The following TMEM117 variants were observed in gnomAD, a reference collection of about 807,000 sequenced individuals.
The protein encoded by TMEM117 is transmembrane protein 117.
In TMEM117, 27 loss-of-function variants were observed where a neutral mutation model predicts 52.4. That is an observed-to-expected ratio of 0.51 (90% confidence interval 0.38 to 0.71). The LOEUF (loss-of-function observed/expected upper bound fraction) is 0.71, where lower values mean the gene tolerates loss of function less well. Among genes scored for constraint, TMEM117 ranks in the 30% least tolerant of loss-of-function variants. The pLI, the probability that TMEM117 is intolerant of heterozygous loss-of-function variation, is 0.00. For missense variants in TMEM117, 556 were observed against 630.5 expected, an observed-to-expected ratio of 0.88 and a Z score of 1.26; for synonymous variants, 215 against 206.3, an observed-to-expected ratio of 1.04 and a Z score of -0.36.
chr12:44,326,884 A>T (rs1951202679), intron 6 of TMEM117, among the ~76,000 whole-genome samples: 1 of 152,186 alleles, frequency 6.6e-6, no homozygotes, highest in Non-Finnish European at 1.5e-5. Context: ...TTCACAGGCT[A>T]CCTATATACT....
intron 3 of TMEM117, among the ~76,000 whole-genome samples, chr12:44,106,161 T>G (rs1947950517): frequency 6.6e-6 from 1 of 152,118 alleles, no homozygotes; most frequent in African/African-American, 2.4e-5. Context: ...CTTGCACTTC[T>G]CTGACAAATC....
chr12:43,854,256 G>T (rs1036819682), intron 2 of TMEM117, among the ~76,000 whole-genome samples: 1 of 152,094 alleles, frequency 6.6e-6, no homozygotes, highest in African/African-American at 2.4e-5. Flanking sequence ...TTTGGGGGCT[G>T]CCTGCAATAA....
chr12:44,152,239 A>T (rs1227830112), intron 4 of TMEM117, among the ~76,000 whole-genome samples: 11 of 105,752 alleles, frequency 1.0e-4, no homozygotes, highest in African/African-American at 4.7e-4. Context: ...ATAATTATAT[A>T]TATAATTATA....
At chr12:44,201,945 GATATCATGTGGTATCTTT>G (rs1207297152) in intron 4 of TMEM117, among the ~76,000 whole-genome samples, 5 of 151,774 alleles carry the variant, frequency 3.3e-5, no homozygotes, top group African/African-American at 9.7e-5. Flanking sequence ...GAGGGGAGAA[GATATCATGTGGTATCTTT>G]ATATCATGTG....
chr12:43,806,289 G>A, the TMEM117 span: 3 of 1,452,876 alleles, frequency 2.1e-6, no homozygotes, highest in South Asian at 1.3e-5. Flanking sequence ...AGTGCAGCCA[G>A]CGGCCCCGGC....
intron 4 of TMEM117, among the ~76,000 whole-genome samples, chr12:44,157,655 C>T (rs1948844458): frequency 6.6e-6 from 1 of 152,118 alleles, no homozygotes; most frequent in African/African-American, 2.4e-5. Flanking sequence ...TGTCATTTTA[C>T]AATTTTCTCT....
chr12:44,174,801 A>G (rs1386529062), intron 4 of TMEM117, among the ~76,000 whole-genome samples: 1 of 152,214 alleles, frequency 6.6e-6, no homozygotes, highest in Non-Finnish European at 1.5e-5. Flanking sequence ...TGAGATTATC[A>G]CACAACAGAA....
chr12:44,276,904 GTGTA>G lies in TMEM117; in HGVS notation c.609-22672_609-22669del, dbSNP rs947820653. Among the ~76,000 whole-genome samples, 21 of 144,210 alleles carry G rather than the reference GTGTA, an allele frequency of 1.5e-4. No individual in the cohort carries two copies. In the South Asian group the frequency reaches 1.5e-3, roughly 10 times the overall value. 94.6% of individuals were successfully genotyped at this position (144,210 alleles called of 152,430 possible). ...ACATGAAAAGTTTGTGTGTGTGTGT[GTGTA>G]TGTGTGTGTGTGTGTGTGTGTGTGT... On this transcript the variant is annotated intron_variant, in intron 5 of 7. Coordinates refer to ENST00000266534, the MANE Select transcript of TMEM117 (RefSeq NM_032256.3).
At chr12:44,273,035 G>A (rs1036519526) in intron 5 of TMEM117, among the ~76,000 whole-genome samples, 1 of 152,146 alleles carries the variant, frequency 6.6e-6, no homozygotes, top group Admixed American at 6.6e-5. Context: ...GGAATACTAT[G>A]CAGCCATAAA....
chr12:44,087,006 G>A (rs1055915914), intron 3 of TMEM117, among the ~76,000 whole-genome samples: 92 of 143,944 alleles, frequency 6.4e-4, no homozygotes, highest in African/African-American at 1.9e-3. Flanking sequence ...TATAAATTAT[G>A]TATTATATAA....
chr12:44,031,194 T>G (rs1592456401), intron 3 of TMEM117, among the ~76,000 whole-genome samples: 1 of 152,312 alleles, frequency 6.6e-6, no homozygotes, highest in East Asian at 1.9e-4. Context: ...TTTGTATAAA[T>G]GTACTATTGA....
At chr12:43,826,611 C>T in the TMEM117 span, among the ~76,000 whole-genome samples, 1 of 152,152 alleles carries the variant, frequency 6.6e-6, no homozygotes, top group Non-Finnish European at 1.5e-5. Context: ...GGGTTGCTGC[C>T]TACCTTAAAA....
intron 6 of TMEM117, among the ~76,000 whole-genome samples, chr12:44,352,496 C>T (rs956758836): frequency 1.3e-5 from 2 of 151,986 alleles, no homozygotes; most frequent in Non-Finnish European, 2.9e-5. Context: ...CTTCCTGTGT[C>T]CATGTGTTCT....
chr12:44,090,837 G>GT (rs1565823272), intron 3 of TMEM117, among the ~76,000 whole-genome samples: 2 of 112,424 alleles, frequency 1.8e-5, no homozygotes, highest in African/African-American at 1.1e-4. Context: ...CTGTATTTAT[G>GT]TGTTTTTTTT....
the TMEM117 span, chr12:43,797,929 C>T: frequency 6.2e-5 from 78 of 1,262,700 alleles, no homozygotes; most frequent in African/African-American, 9.2e-4. Flanking sequence ...TATCATTCAA[C>T]CCTAGCCCAA....
intron 5 of TMEM117, among the ~76,000 whole-genome samples, chr12:44,258,424 G>C (rs1950284428): frequency 6.6e-6 from 1 of 151,932 alleles, no homozygotes; most frequent in Non-Finnish European, 1.5e-5. Flanking sequence ...TTCACTTATG[G>C]AAAACATTTT....
the TMEM117 span, among the ~76,000 whole-genome samples, chr12:43,799,963 T>C: frequency 4.6e-5 from 7 of 152,246 alleles, no homozygotes; most frequent in African/African-American, 1.7e-4. Flanking sequence ...CAAAGAGGTC[T>C]ACCTATCATC....
intron 4 of TMEM117, among the ~76,000 whole-genome samples, chr12:44,170,518 A>G (rs1949030888): frequency 6.6e-6 from 1 of 152,176 alleles, no homozygotes; most frequent in African/African-American, 2.4e-5. Flanking sequence ...CTTTGTAGTA[A>G]GTTTTGAAAT....
intron 2 of TMEM117, among the ~76,000 whole-genome samples, chr12:43,877,860 G>C (rs1381248233): frequency 1.3e-5 from 2 of 150,348 alleles, no homozygotes; most frequent in Non-Finnish European, 3.0e-5. Context: ...AAGTAATATG[G>C]ATAGTATGGT....
Sources: allele counts gnomAD v4.1 joint callset (sites outside exome capture counted in the v4.1 genomes callset), GRCh38; gene constraint gnomAD v4.1.1; transcripts MANE v1.5; gene names NCBI Gene and HGNC (gene_info 2026-07-23, HGNC 2026-07-21).